Variants in TNR observed in about 807,000 individuals in gnomAD.
The protein encoded by TNR is tenascin R, also known as tenascin-R.
A neutral mutation model predicts 150.4 loss-of-function variants in TNR; 45 were observed. The ratio of observed to expected loss-of-function variants is 0.30; its 90% CI spans 0.24 to 0.38. The LOEUF (loss-of-function observed/expected upper bound fraction) is 0.38. Ranked by LOEUF, TNR falls within the 10% of genes least tolerant of loss-of-function variation. TNR has a pLI of 1.00. For synonymous variants in TNR, 687 were observed against 678.4 expected, an observed-to-expected ratio of 1.01 and a Z score of -0.20; for missense variants, 1,544 against 1,759.1, an observed-to-expected ratio of 0.88 and a Z score of 2.19.
chr1:175,719,430 GT>G (rs1275246877), intron 1 of TNR, among the ~76,000 whole-genome samples: 1 of 152,224 alleles, frequency 6.6e-6, no homozygotes, highest in African/African-American at 2.4e-5. Context: ...TGACTGCAGA[GT>G]TTTGAGCCGA....
chr1:175,430,736 T>C (rs974653550), intron 2 of TNR, among the ~76,000 whole-genome samples: 1 of 152,204 alleles, frequency 6.6e-6, no homozygotes, highest in African/African-American at 2.4e-5. Flanking sequence ...AACCATGTTT[T>C]TCACTGAAAT....
At chr1:175,447,411 G>A (rs1000403064) in intron 2 of TNR, among the ~76,000 whole-genome samples, 2 of 152,174 alleles carry the variant, frequency 1.3e-5, no homozygotes, top group East Asian at 3.8e-4. Flanking sequence ...GGAGGGAAAG[G>A]CATGGGTCTT....
chr1:175,394,494 T>C (rs1653330751), intron 5 of TNR, among the ~76,000 whole-genome samples: 1 of 152,228 alleles, frequency 6.6e-6, no homozygotes, highest in African/African-American at 2.4e-5. Flanking sequence ...TTTCATTTCA[T>C]GTATCTCCCT....
intron 1 of TNR, among the ~76,000 whole-genome samples, chr1:175,668,671 T>G (rs1284445825): frequency 6.6e-6 from 1 of 152,190 alleles, no homozygotes; most frequent in African/African-American, 2.4e-5. Flanking sequence ...GAATTGCCAT[T>G]TATTGAACAC....
intron 1 of TNR, among the ~76,000 whole-genome samples, chr1:175,686,084 A>G (rs192930908): frequency 2.6e-5 from 4 of 152,248 alleles, no homozygotes; most frequent in Admixed American, 1.3e-4. Context: ...GTGTTTTTCA[A>G]TAAGAAGGAA....
intron 1 of TNR, among the ~76,000 whole-genome samples, chr1:175,632,858 C>T (rs1251365122): frequency 1.3e-5 from 2 of 152,154 alleles, no homozygotes; most frequent in Non-Finnish European, 2.9e-5. Context: ...AAATCCAGAA[C>T]CTCAACATTA....
At chr1:175,557,407 C>A (rs894171774) in intron 1 of TNR, among the ~76,000 whole-genome samples, 1 of 152,156 alleles carries the variant, frequency 6.6e-6, no homozygotes, top group Admixed American at 6.5e-5. Flanking sequence ...TATGGCTATT[C>A]AGTTTCAAAG....
chr1:175,390,114 CA>C (rs1653104556), intron 7 of TNR, among the ~76,000 whole-genome samples: 1 of 152,236 alleles, frequency 6.6e-6, no homozygotes, highest in Non-Finnish European at 1.5e-5. Flanking sequence ...TAATGGAACA[CA>C]AGCTACTGCC....
At chr1:175,441,707 T>C (rs1160773407) in intron 2 of TNR, among the ~76,000 whole-genome samples, 4 of 152,184 alleles carry the variant, frequency 2.6e-5, no homozygotes, top group Non-Finnish European at 4.4e-5. Context: ...ACAATTCATC[T>C]ACCTAGTCCT....
At chr1:175,464,316 A>G (rs1003718705) in intron 2 of TNR, among the ~76,000 whole-genome samples, 2 of 152,228 alleles carry the variant, frequency 1.3e-5, no homozygotes, top group African/African-American at 4.8e-5. Flanking sequence ...CAGAAATTCA[A>G]TATCCAGAAT....
intron 2 of TNR, among the ~76,000 whole-genome samples, chr1:175,407,239 C>CTCCT (rs761714943): frequency 7.9e-5 from 12 of 152,286 alleles, no homozygotes; most frequent in Admixed American, 3.3e-4. Flanking sequence ...ACTTCATGAG[C>CTCCT]TCCTCTCAGC....
At chr1:175,548,618 T>C (rs926981605) in intron 1 of TNR, among the ~76,000 whole-genome samples, 1 of 150,926 alleles carries the variant, frequency 6.6e-6, no homozygotes, top group Non-Finnish European at 1.5e-5. Context: ...CTCTTTCTGC[T>C]GGTTACCTGC....
chr1:175,641,019 A>G (rs1399247007), intron 1 of TNR, among the ~76,000 whole-genome samples: 2 of 152,270 alleles, frequency 1.3e-5, no homozygotes, highest in South Asian at 2.1e-4. Flanking sequence ...ACATACTCTC[A>G]CTTTAGTCAT....
rs55795922 is a variant in TNR at position 175,370,338 on chromosome 1, C to CTTTTTTTTTTTTTTTTTTTTTTTT, written c.1964-3065_1964-3042dup. On this transcript the variant is annotated intron_variant, in intron 9 of 22. Coordinates refer to ENST00000367674, the MANE Select transcript of TNR (RefSeq NM_003285.3). ...GAGAACTATTCCTGGATTTTGAGTA[C>CTTTTTTTTTTTTTTTTTTTTTTTT]TTTTTTTTTTTTTTTTTTTTTTTTT... is the stretch of plus-strand genomic sequence containing the variant. 1.0e-3 allele frequency among the ~76,000 whole-genome samples: 45 copies of CTTTTTTTTTTTTTTTTTTTTTTTT among 42,972 alleles called. 4 individuals carry two copies. The highest frequency in any genetic ancestry group is 3.4e-3 in the African/African-American group (40 of 11,802). The allele number at this position is 42,972 out of a possible 152,430, so 28.2% of individuals were successfully genotyped here.
chr1:175,433,224 T>G (rs1233216044), intron 2 of TNR, among the ~76,000 whole-genome samples: 1 of 152,102 alleles, frequency 6.6e-6, no homozygotes, highest in Non-Finnish European at 1.5e-5. Flanking sequence ...AGAAATAAAT[T>G]TCTATATTGT....
intron 1 of TNR, among the ~76,000 whole-genome samples, chr1:175,541,671 AACCTGTGTAT>A (rs1660504767): frequency 6.6e-6 from 1 of 152,162 alleles, no homozygotes; most frequent in Non-Finnish European, 1.5e-5. Context: ...TGAAACTCCC[AACCTGTGTAT>A]ATGTTGCTGC....
At chr1:175,559,693 A>G (rs10798402) in intron 1 of TNR, among the ~76,000 whole-genome samples, 69,996 of 152,068 alleles carry the variant, frequency 0.46, 16,429 homozygotes, top group East Asian at 0.61. Context: ...TGAGTTTCAT[A>G]AATATACCAC....
rs190375380 is a variant in TNR, at chr1:175,344,922, C to T, written c.3383-7243G>A. 4.7e-3 allele frequency among the ~76,000 whole-genome samples: 714 copies of T among 152,180 alleles called. 4 individuals are homozygous for T. Among genetic ancestry groups the T allele is most frequent in the African/African-American group, 0.017 (692 of 41,524 alleles). On this transcript the variant is annotated intron_variant, in intron 18 of 22. Coordinates refer to ENST00000367674, the MANE Select transcript of TNR (RefSeq NM_003285.3). ...AAACAAACAAGACCAGCCTTGCCAACATGGTGAAACCCTGTCTCTACTAAA... is the reference window on the plus strand; with the variant it reads ...AAACAAACAAGACCAGCCTTGCCAATATGGTGAAACCCTGTCTCTACTAAA...
chr1:175,439,166 C>T (rs1655663926), intron 2 of TNR, among the ~76,000 whole-genome samples: 1 of 151,984 alleles, frequency 6.6e-6, no homozygotes, highest in South Asian at 2.1e-4. Context: ...GGTACTGGTA[C>T]CAAAACAGAG....
Sources: gnomAD v4.1 joint callset for allele counts (sites outside exome capture counted in the v4.1 genomes callset) on GRCh38, gnomAD v4.1.1 for gene constraint, MANE v1.5 for transcripts, NCBI Gene and HGNC (gene_info 2026-07-23, HGNC 2026-07-21) for gene names.